The following CDK5RAP2 variants were observed in gnomAD, a reference collection of about 807,000 sequenced individuals.
CDK5RAP2 encodes the protein CDK5 regulatory subunit associated protein 2, also known as CDK5 regulatory subunit-associated protein 2.
Under a neutral mutation model 232.9 loss-of-function variants are expected in CDK5RAP2, and 147 were observed. The ratio of observed to expected loss-of-function variants is 0.63; its 90% CI spans 0.55 to 0.72. The LOEUF (loss-of-function observed/expected upper bound fraction) is 0.72. CDK5RAP2 is among the 30% of genes least tolerant of loss of function. The probability of loss-of-function intolerance (pLI) is 0.00; values close to 1 mark genes in which losing one functional copy is unlikely to be tolerated. For synonymous variants in CDK5RAP2, 833 were observed against 833.7 expected (o/e 1.00, Z 0.01); for missense variants, 2,195 against 2,231.5 (o/e 0.98, Z 0.33).
rs542260848 is a variant in CDK5RAP2, at chr9:120,434,105, G to A, written c.3955+3190C>T. Among the ~76,000 whole-genome samples, 231 of 152,304 alleles carry A rather than the reference G, an allele frequency of 1.5e-3. 1 individual carries two copies. The highest frequency in any genetic ancestry group is 5.0e-3 in the African/African-American group (207 of 41,552). ...ATGCGAGATGGTTGTGGGTAGAACCGAGGAAAATAACACAGGGTAAGGGAA... is the reference window on the plus strand; with the variant it reads ...ATGCGAGATGGTTGTGGGTAGAACCAAGGAAAATAACACAGGGTAAGGGAA... On this transcript the variant is annotated intron_variant, in intron 25 of 37. Coordinates refer to ENST00000349780, the MANE Select transcript of CDK5RAP2 (RefSeq NM_018249.6).
intron 25 of CDK5RAP2, among the ~76,000 whole-genome samples, chr9:120,425,021 A>G (rs544528345): frequency 1.3e-5 from 2 of 152,184 alleles, no homozygotes; most frequent in South Asian, 2.1e-4. Context: ...CTTTAGTTGT[A>G]TATCTTCCTC....
At chr9:120,498,108 G>A (rs2039399788) in intron 12 of CDK5RAP2, among the ~76,000 whole-genome samples, 1 of 152,190 alleles carries the variant, frequency 6.6e-6, no homozygotes, top group Admixed American at 6.5e-5. Context: ...ATGCTAAACT[G>A]TCACAGCTGT....
intron 3 of CDK5RAP2, among the ~76,000 whole-genome samples, chr9:120,567,172 C>A (rs928941797): frequency 6.6e-6 from 1 of 152,186 alleles, no homozygotes. Context: ...AAATCTCATT[C>A]GTTTGAGGCC....
intron 25 of CDK5RAP2, among the ~76,000 whole-genome samples, chr9:120,428,957 G>A (rs1300940793): frequency 4.6e-5 from 7 of 151,886 alleles, no homozygotes; most frequent in African/African-American, 1.5e-4. Context: ...TTCAATATAC[G>A]CAAATCAATA....
intron 23 of CDK5RAP2, chr9:120,440,174 T>C: frequency 1.7e-6 from 1 of 605,970 alleles, no homozygotes; most frequent in Non-Finnish European, 2.9e-6. Context: ...CCCTAGTCTT[T>C]CCCTCTTTAC....
chr9:120,459,602 G>T (rs530398393), intron 19 of CDK5RAP2, among the ~76,000 whole-genome samples: 2 of 152,136 alleles, frequency 1.3e-5, no homozygotes, highest in Non-Finnish European at 2.9e-5. Context: ...TATTTACTGA[G>T]CACTTATTAC....
intron 36 of CDK5RAP2, among the ~76,000 whole-genome samples, chr9:120,390,602 C>T (rs1457276618): frequency 1.3e-5 from 2 of 152,216 alleles, no homozygotes; most frequent in Non-Finnish European, 2.9e-5. Context: ...CAAACTCCAG[C>T]AGTGGCAAGA....
intron 5 of CDK5RAP2, among the ~76,000 whole-genome samples, chr9:120,545,338 T>C (rs151126568): frequency 6.6e-6 from 1 of 152,320 alleles, no homozygotes; most frequent in East Asian, 1.9e-4. Flanking sequence ...ATTCCTTTTA[T>C]ATAAAGTTTA....
At position 120,389,247 on chromosome 9, in the gene CDK5RAP2, G is replaced by A. The variant is rs1328144767; in HGVS notation, c.5671C>T (p.Pro1891Ser). Reference sequence around the variant, plus strand: ...GCTGAAAGTTCTTCTCAGGAGCCTGGTCTGCTGGGACTGCATGTTCCTGGA... The same window carrying A: ...GCTGAAAGTTCTTCTCAGGAGCCTGATCTGCTGGGACTGCATGTTCCTGGA... ...AHPGTCSPSR[P>S]GS Residue 1891 changes from proline to serine, a missense_variant, in exon 38 of 38, where the codon CCA becomes TCA. By Grantham distance (74) the Pro-to-Ser change is moderately conservative. Coordinates refer to ENST00000349780, the MANE Select transcript of CDK5RAP2 (RefSeq NM_018249.6). 3 of 1,612,668 alleles carry A rather than the reference G, an allele frequency of 1.9e-6. No homozygotes were observed. Among genetic ancestry groups the A allele is most frequent in the Non-Finnish European group, 2.5e-6 (3 of 1,179,386 alleles).
At chr9:120,483,382 GA>G (rs2038427905) in intron 14 of CDK5RAP2, among the ~76,000 whole-genome samples, 1 of 152,206 alleles carries the variant, frequency 6.6e-6, no homozygotes, top group South Asian at 2.1e-4. Context: ...CAGACAGCTG[GA>G]AGTCTCTGGG....
chr9:120,507,317 C>T (rs1236174067), intron 12 of CDK5RAP2, among the ~76,000 whole-genome samples: 3 of 152,176 alleles, frequency 2.0e-5, no homozygotes, highest in East Asian at 3.8e-4. Context: ...TCCTGAGGGA[C>T]GTCTGTACCT....
intron 14 of CDK5RAP2, among the ~76,000 whole-genome samples, chr9:120,480,063 A>G (rs2038219584): frequency 6.6e-6 from 1 of 152,252 alleles, no homozygotes; most frequent in Admixed American, 6.5e-5. Context: ...CTATTTCAAA[A>G]TAAGAAAAAA....
In CDK5RAP2 at chr9:120,530,098, A is replaced by G; in HGVS notation, c.705T>C (p.Ala235=). 6.2e-7 allele frequency: 1 copy of G among 1,613,980 alleles called. No individual in the cohort carries two copies. The highest frequency in any genetic ancestry group is 2.2e-5 in the East Asian group (1 of 44,888). The change falls in exon 8 of 38, where the codon GCT becomes GCC. Residue 235 remains alanine, a synonymous_variant. Transcript: ENST00000349780. ...ELKLSLKSKE[A]LIQCLKEEKS... ...TCTCCTCTTTAAGGCACTGAATTAA[A>G]GCTTCTTTGCTCTTCAAAGACAGCT...
At chr9:120,501,835 G>A (rs567677194) in intron 12 of CDK5RAP2, among the ~76,000 whole-genome samples, 92 of 152,264 alleles carry the variant, frequency 6.0e-4, no homozygotes, top group African/African-American at 2.2e-3. Flanking sequence ...AAACTCATTA[G>A]GTATAATGAA....
At chr9:120,486,339 G>A (rs1353301682) in intron 14 of CDK5RAP2, among the ~76,000 whole-genome samples, 1 of 143,838 alleles carries the variant, frequency 7.0e-6, no homozygotes. Flanking sequence ...CCATTCATCA[G>A]AAAACTAATT....
intron 25 of CDK5RAP2, among the ~76,000 whole-genome samples, chr9:120,436,929 C>CAA (rs201616716): frequency 8.0e-5 from 12 of 150,414 alleles, no homozygotes; most frequent in African/African-American, 2.9e-4. Flanking sequence ...TGAGTTTTCA[C>CAA]AAAAAAAAAT....
intron 12 of CDK5RAP2, among the ~76,000 whole-genome samples, chr9:120,499,385 G>T (rs2039469947): frequency 6.6e-6 from 1 of 151,938 alleles, no homozygotes; most frequent in Non-Finnish European, 1.5e-5. Context: ...ATAATGAGCA[G>T]GGGTTTTTTT....
intron 27 of CDK5RAP2, among the ~76,000 whole-genome samples, chr9:120,416,913 C>T (rs1010584588): frequency 1.3e-5 from 2 of 152,192 alleles, no homozygotes; most frequent in African/African-American, 4.8e-5. Flanking sequence ...AGTAATTTTA[C>T]CATGAATTTG....
chr9:120,564,108 C>A (rs1033807258), intron 3 of CDK5RAP2, among the ~76,000 whole-genome samples: 2 of 152,120 alleles, frequency 1.3e-5, no homozygotes, highest in African/African-American at 4.8e-5. Context: ...CTGTTTATTG[C>A]ATGTAAGTTA....
Sources: gnomAD v4.1 joint callset for allele counts (sites outside exome capture counted in the v4.1 genomes callset) on GRCh38, gnomAD v4.1.1 for gene constraint, MANE v1.5 for transcripts, NCBI Gene and HGNC (gene_info 2026-07-23, HGNC 2026-07-21) for gene names.